The following DGCR6L variants were observed in gnomAD, a reference collection of about 807,000 sequenced individuals.
DGCR6L encodes the protein protein DGCR6L.
Under a neutral mutation model 31.1 loss-of-function variants are expected in DGCR6L, and 24 were observed. The observed-to-expected ratio is 0.77, with a 90% CI of 0.56 to 1.08. DGCR6L has a LOEUF of 1.08. Among genes scored for constraint, DGCR6L ranks in the 50% least tolerant of loss-of-function variants. The pLI is 0.00. For missense variants in DGCR6L, 218 were observed against 287.1 expected (o/e 0.76, Z 1.74); for synonymous variants, 104 against 126.1 (o/e 0.82, Z 1.17).
chr22:20,315,104 A>C, intron 4 of DGCR6L: 11 of 1,219,946 alleles, frequency 9.0e-6, no homozygotes, highest in Non-Finnish European at 1.3e-5. Context: ...CCTGTGTGGC[A>C]CAGCAGGCCT....
In DGCR6L at chr22:20,315,321, G is replaced by A. The variant is rs2051563506; in HGVS notation, c.513+15C>T. 6.2e-7 allele frequency: 1 copy of A among 1,609,718 alleles called. No homozygotes were observed. The highest frequency in any genetic ancestry group is 1.3e-5 in the African/African-American group (1 of 74,930). On this transcript the variant is annotated intron_variant, in intron 4 of 4. Coordinates refer to ENST00000248879, the MANE Select transcript of DGCR6L (RefSeq NM_033257.4). Reference sequence around the variant, plus strand: ...GGGGCACTCGGGCTAGGGCAGAGCAGGCCCAGGCACTGACCTGTGGGTTGG... The same window carrying A: ...GGGGCACTCGGGCTAGGGCAGAGCAAGCCCAGGCACTGACCTGTGGGTTGG...
chr22:20,316,048 A>T, intron 3 of DGCR6L, 71 bp downstream of exon 3: 1 of 1,489,296 alleles, frequency 6.7e-7, no homozygotes, highest in South Asian at 1.3e-5. Flanking sequence ...CCTTCAGCTC[A>T]GCCCAGTCAG....
intron 4 of DGCR6L, chr22:20,315,056 C>T (rs879413440): frequency 8.2e-6 from 10 of 1,222,612 alleles, no homozygotes; most frequent in Non-Finnish European, 1.2e-5. Flanking sequence ...CCAGCAGGGC[C>T]ACTCGGAATG....
chr22:20,314,373 C>T lies in DGCR6L; in HGVS notation c.*302G>A, dbSNP rs2051555206. 2 of 364,888 alleles carry T rather than the reference C, an allele frequency of 5.5e-6. No homozygotes were observed. Among genetic ancestry groups the T allele is most frequent in the Non-Finnish European group, 9.8e-6 (2 of 203,412 alleles). 22.6% of individuals were successfully genotyped at this position (364,888 alleles called of 1,614,324 possible). A position where few individuals can be genotyped will look rare whatever the true frequency, so the allele number is the denominator to read the frequency against. ...GGGGCTGCAGCTGCCAAGGGAGCGG[C>T]TGAGACCAGAACAAGCGCTCGGGTG... is the stretch of plus-strand genomic sequence containing the variant. On this transcript the variant is annotated 3_prime_UTR_variant, in exon 5 of 5. Transcript: ENST00000248879.
At chr22:20,317,336 A>G (rs1371116674) in intron 2 of DGCR6L, among the ~76,000 whole-genome samples, 1 of 152,258 alleles carries the variant, frequency 6.6e-6, no homozygotes, top group African/African-American at 2.4e-5. Context: ...AAACATTGCT[A>G]CAAGTGCCAG....
chr22:20,315,043 C>G, intron 4 of DGCR6L: 4 of 1,257,118 alleles, frequency 3.2e-6, no homozygotes, highest in East Asian at 2.5e-5. Flanking sequence ...TGAGCCTCTG[C>G]CCCCAGCAGG....
In DGCR6L at chr22:20,314,555, G is replaced by A; in HGVS notation, c.*120C>T. On this transcript the variant is annotated 3_prime_UTR_variant, in exon 5 of 5. Coordinates refer to ENST00000248879, the MANE Select transcript of DGCR6L (RefSeq NM_033257.4). Reference sequence around the variant, plus strand: ...TGACAGCAAGTCCCAGATGAAGGGTGACAGGCAGCTGGGGTCCACCTGGTC... The same window carrying A: ...TGACAGCAAGTCCCAGATGAAGGGTAACAGGCAGCTGGGGTCCACCTGGTC... 7.5e-7 allele frequency: 1 copy of A among 1,341,304 alleles called. No homozygotes were observed. Among genetic ancestry groups the A allele is most frequent in the South Asian group, 1.5e-5 (1 of 65,356 alleles). 83.1% of individuals were successfully genotyped at this position (1,341,304 alleles called of 1,614,324 possible). A position where few individuals can be genotyped will look rare whatever the true frequency, so the allele number is the denominator to read the frequency against.
chr22:20,316,280 G>A, intron 2 of DGCR6L, 61 bp from the exon 3 acceptor site: 1 of 1,549,418 alleles, frequency 6.5e-7, no homozygotes, highest in African/African-American at 1.4e-5. Flanking sequence ...TCACCCATGG[G>A]CACCTGCCTT....
rs1293111528 is a variant in DGCR6L at position 20,319,933 on chromosome 22, T to C, written c.56A>G (p.Glu19Gly). The C allele has an allele frequency of 5.6e-6, 9 of 1,609,976 alleles. No individual in the cohort carries two copies. Among genetic ancestry groups the C allele is most frequent in the African/African-American group, 4.0e-5 (3 of 74,844 alleles). The change falls in exon 1 of 5, where the codon GAG becomes GGG. Residue 19 changes from glutamate (E) to glycine (G), a missense_variant. Around this residue, in one of 4 missense-constraint regions of DGCR6L, gnomAD observed 77 missense variants for 71.2 expected, o/e 1.08. Transcript: ENST00000248879. ...EEVADGARQQ[E>G]RHYQLLSALQ... Reference sequence around the variant, plus strand: ...CGCCGACAGCAACTGGTAGTGTCGCTCCTGCTGCCGGGCACCGTCCGCCAC... The same window carrying C: ...CGCCGACAGCAACTGGTAGTGTCGCCCCTGCTGCCGGGCACCGTCCGCCAC...
chr22:20,317,953 C>T (rs144655625), intron 2 of DGCR6L, among the ~76,000 whole-genome samples: 1,527 of 152,290 alleles, frequency 0.01, 25 homozygotes, highest in African/African-American at 0.035. Context: ...GAGAACACTT[C>T]GAAACTCATC....
intron 2 of DGCR6L, 111 bp downstream of exon 2, chr22:20,319,528 A>C (rs562333304): frequency 1.7e-5 from 25 of 1,470,630 alleles, no homozygotes; most frequent in East Asian, 1.5e-4. Flanking sequence ...TCAATCTTAG[A>C]GACCTCTTCC....
At chr22:20,315,662 C>T (rs1221520226) in intron 3 of DGCR6L, among the ~76,000 whole-genome samples, 186 bp from the exon 4 acceptor site, 1 of 152,236 alleles carries the variant, frequency 6.6e-6, no homozygotes, top group Non-Finnish European at 1.5e-5. Flanking sequence ...TGAAGGGGGC[C>T]CCAAGGGGCT....
At chr22:20,317,696 C>A (rs373839251) in intron 2 of DGCR6L, among the ~76,000 whole-genome samples, 2 of 152,236 alleles carry the variant, frequency 1.3e-5, no homozygotes, top group South Asian at 2.1e-4. Context: ...TGAACACATA[C>A]CTGAACCAGA....
At position 20,316,351 on chromosome 22, in the gene DGCR6L, C is replaced by T. The variant is rs891286319; in HGVS notation, c.272-132G>A. 9 of 1,199,236 alleles carry T rather than the reference C, an allele frequency of 7.5e-6. No individual in the cohort carries two copies. The African/African-American group carries it at 1.1e-4, about 14-fold the overall frequency. The allele number at this position is 1,199,236 out of a possible 1,614,324, so 74.3% of individuals were successfully genotyped here. On this transcript the variant is annotated intron_variant, in intron 2 of 4. Coordinates refer to ENST00000248879, the MANE Select transcript of DGCR6L (RefSeq NM_033257.4). Reference sequence around the variant, plus strand: ...CTGCAGTGGGGAGGATGCCAGCCTCCTCCATCCTCCCACCCCACTGTCACC... The same window carrying T: ...CTGCAGTGGGGAGGATGCCAGCCTCTTCCATCCTCCCACCCCACTGTCACC...
At position 20,319,691 on chromosome 22, in the gene DGCR6L, G is replaced by A; in HGVS notation, c.219C>T (p.Leu73=). ...IVQGLLEIQH[L]TEKSLYNQRL... ...GCTGGTTGTACAGGCTCTTTTCGGT[G>A]AGGTGCTGGATCTCCAGTAGCCCCT... The change falls in exon 2 of 5, where the codon CTC becomes CTT. Residue 73 remains leucine (L), a synonymous_variant. Coordinates refer to ENST00000248879, the MANE Select transcript of DGCR6L (RefSeq NM_033257.4). The A allele has an allele frequency of 2.5e-6, 4 of 1,612,420 alleles. No homozygotes were observed. The highest frequency in any genetic ancestry group is 1.1e-5 in the South Asian group (1 of 90,986).
chr22:20,316,581 A>C (rs1431826223), intron 2 of DGCR6L, among the ~76,000 whole-genome samples: 2 of 151,906 alleles, frequency 1.3e-5, no homozygotes, highest in Non-Finnish European at 2.9e-5. Flanking sequence ...ACATCTACTC[A>C]AGTGTCAGAG....
intron 3 of DGCR6L, among the ~76,000 whole-genome samples, 183 bp downstream of exon 3, chr22:20,315,936 C>A (rs1314257749): frequency 6.6e-6 from 1 of 152,192 alleles, no homozygotes; most frequent in African/African-American, 2.4e-5. Flanking sequence ...CCAGCCCCAG[C>A]ACACTTGGTA....
chr22:20,319,159 C>T (rs1468458820), intron 2 of DGCR6L, among the ~76,000 whole-genome samples: 4 of 152,186 alleles, frequency 2.6e-5, no homozygotes. Flanking sequence ...GGAAGCTCTT[C>T]GGGTTTGGGA....
chr22:20,314,756 C>A lies in DGCR6L; in HGVS notation c.582G>T (p.Gly194=). Residue 194 remains glycine, a synonymous_variant, in exon 5 of 5, where the codon GGG becomes GGT. Transcript: ENST00000248879. ...RKLQQRGCRA[G]NAALGLGGPW... Reference sequence around the variant, plus strand: ...GACCTCCCAGTCCCAGGGCTGCATTCCCTGCCCGGCAGCCCCTCTGCTGCA... The same window carrying A: ...GACCTCCCAGTCCCAGGGCTGCATTACCTGCCCGGCAGCCCCTCTGCTGCA... 6.2e-7 allele frequency: 1 copy of A among 1,612,386 alleles called. No homozygotes were observed. Among genetic ancestry groups the A allele is most frequent in the Non-Finnish European group, 8.5e-7 (1 of 1,179,842 alleles).
Sources: gnomAD v4.1 joint callset for allele counts (sites outside exome capture counted in the v4.1 genomes callset) on GRCh38, gnomAD v4.1.1 for gene constraint, gnomAD v4.1.1 regional missense constraint, MANE v1.5 for transcripts, NCBI Gene and HGNC (gene_info 2026-07-23, HGNC 2026-07-21) for gene names.